The following EPG5 variants were observed in gnomAD, a reference collection of about 807,000 sequenced individuals.
EPG5 encodes ectopic P-granules 5 autophagy tethering factor.
A neutral mutation model predicts 302.7 loss-of-function variants in EPG5; 159 were observed. The ratio of observed to expected loss-of-function variants is 0.53; its 90% CI spans 0.46 to 0.60. The LOEUF (loss-of-function observed/expected upper bound fraction) is 0.60. Among genes scored for constraint, EPG5 ranks in the 20% least tolerant of loss-of-function variants. The pLI, the probability that EPG5 is intolerant of heterozygous loss-of-function variation, is 0.00. For missense variants in EPG5, 2,896 were observed against 3,092.4 expected, an observed-to-expected ratio of 0.94 and a Z score of 1.51; for synonymous variants, 1,158 against 1,136.8, an observed-to-expected ratio of 1.02 and a Z score of -0.37.
Position 45,929,024 on chromosome 18 carries a change from G to A in EPG5, c.2413-15C>T, listed in dbSNP as rs2050340925. On this transcript the variant is annotated splice_polypyrimidine_tract_variant and intron_variant, in intron 12 of 43. Coordinates refer to ENST00000282041, the MANE Select transcript of EPG5 (RefSeq NM_020964.3). The stretch of plus-strand genomic sequence containing the variant: ...ACATAAGATACCTAAATGGGGGGAA[G>A]GGGGAAGAAGATGGCACTTTTAATA... 6.2e-7 allele frequency: 1 copy of A among 1,610,010 alleles called. No homozygotes were observed. The highest frequency in any genetic ancestry group is 1.3e-5 in the African/African-American group (1 of 74,710).
intron 7 of EPG5, among the ~76,000 whole-genome samples, chr18:45,944,999 T>C (rs1456984925): frequency 6.6e-6 from 1 of 152,088 alleles, no homozygotes; most frequent in Non-Finnish European, 1.5e-5. Flanking sequence ...AGCACTAAAG[T>C]CACCTTAGAA....
intron 36 of EPG5, among the ~76,000 whole-genome samples, chr18:45,868,906 T>G (rs1300425364): frequency 6.6e-6 from 1 of 151,458 alleles, no homozygotes; most frequent in African/African-American, 2.4e-5. Flanking sequence ...ATATAAAAAA[T>G]TAGCTGGGCA....
At chr18:45,865,924 A>C (rs1225641600) in intron 38 of EPG5, among the ~76,000 whole-genome samples, 165 bp from the exon 39 acceptor site, 2 of 152,226 alleles carry the variant, frequency 1.3e-5, no homozygotes, top group East Asian at 3.8e-4. Context: ...CAAGGGGCCT[A>C]GTGAAAGGCA....
chr18:45,859,058 A>G (rs919234951), intron 40 of EPG5, among the ~76,000 whole-genome samples: 1 of 152,198 alleles, frequency 6.6e-6, no homozygotes, highest in Admixed American at 6.5e-5. Context: ...TCAGGGCTGC[A>G]TACGTATAAA....
the EPG5 span, among the ~76,000 whole-genome samples, chr18:45,805,645 T>C: frequency 6.6e-6 from 1 of 152,086 alleles, no homozygotes; most frequent in South Asian, 2.1e-4. Flanking sequence ...GGGACCCACT[T>C]TGAATATAAT....
Position 45,887,818 on chromosome 18 carries a change from C to T in EPG5, c.5042G>A (p.Ser1681Asn). 6.2e-7 allele frequency: 1 copy of T among 1,605,254 alleles called. No individual in the cohort carries two copies. The highest frequency in any genetic ancestry group is 8.5e-7 in the Non-Finnish European group (1 of 1,173,292). The change falls in exon 29 of 44, where the codon AGC becomes AAC. Residue 1681 changes from serine to asparagine, a missense_variant. Coordinates refer to ENST00000282041, the MANE Select transcript of EPG5 (RefSeq NM_020964.3). Reference sequence around the variant, plus strand: ...TGGGGGATGACGCTGCGTCTCATCGCTGACGTAATCCACAATAGTAAAGAA... The same window carrying T: ...TGGGGGATGACGCTGCGTCTCATCGTTGACGTAATCCACAATAGTAAAGAA... The part of the protein sequence containing the change: ...SLFFTIVDYV[S>N]DETQRHPPTR...
the EPG5 span, among the ~76,000 whole-genome samples, chr18:45,831,413 G>C: frequency 4.6e-5 from 7 of 152,132 alleles, no homozygotes; most frequent in East Asian, 1.3e-3. Flanking sequence ...CCACATTCTA[G>C]CTTTTCAATT....
the EPG5 span, among the ~76,000 whole-genome samples, chr18:45,810,805 C>T: frequency 8.5e-5 from 13 of 152,166 alleles, no homozygotes; most frequent in East Asian, 2.3e-3. Flanking sequence ...AAAGATAATA[C>T]TCCATGATCC....
At chr18:45,806,997 C>T in the EPG5 span, among the ~76,000 whole-genome samples, 1 of 152,116 alleles carries the variant, frequency 6.6e-6, no homozygotes, top group South Asian at 2.1e-4. Context: ...TCGCCCATTG[C>T]CTGGAAACAG....
intron 36 of EPG5, among the ~76,000 whole-genome samples, chr18:45,868,339 C>CTT (rs370701330): frequency 0.016 from 2,179 of 138,118 alleles, 58 homozygotes; most frequent in African/African-American, 0.055. Flanking sequence ...TTCCTTTTTC[C>CTT]TTTTTTTTTT....
At chr18:45,895,842 A>C (rs139314221) in intron 27 of EPG5, among the ~76,000 whole-genome samples, 1 of 152,302 alleles carries the variant, frequency 6.6e-6, no homozygotes, top group East Asian at 1.9e-4. Context: ...GATGAGTCAT[A>C]AACACTGAGA....
chr18:45,913,865 A>G, intron 20 of EPG5, 37 bp from the exon 21 acceptor site: 6 of 1,605,774 alleles, frequency 3.7e-6, no homozygotes, highest in Non-Finnish European at 5.1e-6. Context: ...GGGAAGGAGG[A>G]GCTCGCCCCA....
the EPG5 span, among the ~76,000 whole-genome samples, chr18:45,818,256 ATT>A: frequency 8.9e-3 from 1,316 of 148,182 alleles, 17 homozygotes; most frequent in African/African-American, 0.028. Flanking sequence ...GGAAGATTTT[ATT>A]TTTTTTTTTT....
chr18:45,909,221 T>C (rs2049833464), intron 23 of EPG5, among the ~76,000 whole-genome samples: 1 of 152,114 alleles, frequency 6.6e-6, no homozygotes, highest in South Asian at 2.1e-4. Flanking sequence ...TAAGTAGTTC[T>C]CTCCTCCAGC....
At chr18:45,826,168 A>T in the EPG5 span, among the ~76,000 whole-genome samples, 303 of 152,040 alleles carry the variant, frequency 2.0e-3, no homozygotes, top group African/African-American at 7.0e-3. Context: ...AGCCTGAGGA[A>T]GAAGGGCGGG....
At chr18:45,928,769 C>T (rs1271176757) in intron 13 of EPG5, 100 bp downstream of exon 13, 3 of 1,149,664 alleles carry the variant, frequency 2.6e-6, no homozygotes, top group East Asian at 2.4e-5. Context: ...TGTTTATACC[C>T]CTAGTGACAA....
chr18:45,902,496 C>T (rs1255270818), intron 25 of EPG5, among the ~76,000 whole-genome samples: 1 of 152,022 alleles, frequency 6.6e-6, no homozygotes, highest in African/African-American at 2.4e-5. Context: ...AACAAACAAA[C>T]AAAAAATCTA....
At position 45,880,675 on chromosome 18, in the gene EPG5, C is replaced by G. The variant is rs866457462; in HGVS notation, c.5519-452G>C. Among the ~76,000 whole-genome samples the G allele has an allele frequency of 3.1e-4, 47 of 152,168 alleles. 1 individual carries two copies. Among genetic ancestry groups the G allele is most frequent in the African/African-American group, 1.1e-3 (46 of 41,432 alleles). On this transcript the variant is annotated intron_variant, in intron 31 of 43. Transcript: ENST00000282041. ...CTACCGGCCCCCCAATTCCCCGAAA[C>G]CAAGACCCAGAGGCAGCATGGAAAC...
At chr18:45,825,550 C>A in the EPG5 span, 1 of 621,492 alleles carries the variant, frequency 1.6e-6, no homozygotes, top group Non-Finnish European at 2.9e-6. Flanking sequence ...GATCAGACCT[C>A]AGGCTGCCAG....
Sources: gnomAD v4.1 joint callset for allele counts (sites outside exome capture counted in the v4.1 genomes callset) on GRCh38, gnomAD v4.1.1 for gene constraint, MANE v1.5 for transcripts, NCBI Gene and HGNC (gene_info 2026-07-23, HGNC 2026-07-21) for gene names.